Variants in C13orf46 observed in about 807,000 individuals in gnomAD.
The protein encoded by C13orf46 is uncharacterized protein C13orf46.
At chr13:113,948,844 T>C (rs1244635060), downstream of C13orf46, among the ~76,000 whole-genome samples, 1 of 152,216 alleles carries the variant, frequency 6.6e-6, no homozygotes, top group Non-Finnish European at 1.5e-5. Context: ...CTTTGTCCCC[T>C]GTTCCAGGGA....
At chr13:113,930,406 G>A in the C13orf46 span, among the ~76,000 whole-genome samples, 11 of 114,688 alleles carry the variant, frequency 9.6e-5, no homozygotes, top group South Asian at 4.5e-4. Context: ...CGAGGCGGGG[G>A]CGCAGGAGCA....
the C13orf46 span, among the ~76,000 whole-genome samples, chr13:113,938,774 C>A: frequency 6.6e-6 from 1 of 152,218 alleles, no homozygotes; most frequent in Non-Finnish European, 1.5e-5. Context: ...TAGCTTCTCT[C>A]AACACACAGC....
the C13orf46 span, among the ~76,000 whole-genome samples, chr13:113,945,605 G>GAAAGAAAAAGA: frequency 1.1e-5 from 1 of 93,708 alleles, no homozygotes; most frequent in Non-Finnish European, 2.2e-5. Context: ...AAGAAAGAAA[G>GAAAGAAAAAGA]AAGAAAGAAA....
At chr13:113,950,099 A>C (rs1475764368), downstream of C13orf46, among the ~76,000 whole-genome samples, 13 of 61,806 alleles carry the variant, frequency 2.1e-4, no homozygotes, top group African/African-American at 5.1e-4. Context: ...GAGTGGGGTC[A>C]TCACCCCCTG....
the C13orf46 span, among the ~76,000 whole-genome samples, chr13:113,940,102 G>A: frequency 2.0e-5 from 3 of 152,240 alleles, no homozygotes; most frequent in Admixed American, 6.5e-5. Context: ...CTGCCCATGC[G>A]GCCAAAGTCC....
rs1375718098 is a variant in C13orf46, at chr13:113,954,998, A to G, written c.*1775T>C. On this transcript the variant is annotated 3_prime_UTR_variant, in exon 7 of 7. Transcript: ENST00000636427. Reference sequence around the variant, plus strand: ...GCGGAGACGAGGAGGAGGATCTGGCAGAGAGGAGGAGTAGGATCTGGCGGA... The same window carrying G: ...GCGGAGACGAGGAGGAGGATCTGGCGGAGAGGAGGAGTAGGATCTGGCGGA... The G allele has an allele frequency of 0.26, 21,836 of 83,984 alleles. 2,417 individuals are homozygous for G. Among genetic ancestry groups the G allele is most frequent in the Non-Finnish European group, 0.37 (14,538 of 39,472 alleles). 5.2% of individuals were successfully genotyped at this position (83,984 alleles called of 1,614,324 possible).
intron 5 of C13orf46, among the ~76,000 whole-genome samples, chr13:113,965,799 G>C (rs1237425585): frequency 2.0e-5 from 3 of 150,708 alleles, no homozygotes; most frequent in Non-Finnish European, 4.4e-5. Flanking sequence ...TTATAATGGT[G>C]GTGATGATGG....
At chr13:113,957,165 CA>C in intron 6 of C13orf46, among the ~76,000 whole-genome samples, 1 of 151,034 alleles carries the variant, frequency 6.6e-6, no homozygotes, top group Non-Finnish European at 1.5e-5. Flanking sequence ...CCTCTGCATG[CA>C]ACCCCTTTCA....
At chr13:113,930,880 C>T in the C13orf46 span, among the ~76,000 whole-genome samples, 4 of 152,278 alleles carry the variant, frequency 2.6e-5, no homozygotes, top group East Asian at 1.9e-4. Context: ...TTCTCCAGGC[C>T]GAAGACAGGA....
chr13:113,954,779 A>C lies in C13orf46; in HGVS notation c.*1994T>G. 1 of 201,682 alleles carries C rather than the reference A, an allele frequency of 5.0e-6. No homozygotes were observed. Among genetic ancestry groups the C allele is most frequent in the Non-Finnish European group, 1.0e-5 (1 of 99,578 alleles). The allele number at this position is 201,682 out of a possible 1,614,324, so 12.5% of individuals were successfully genotyped here. On this transcript the variant is annotated 3_prime_UTR_variant, in exon 7 of 7. Coordinates refer to ENST00000636427, the MANE Select transcript of C13orf46 (RefSeq NM_001365455.2). ...GGGCAGGAAGGGGCTGGAGTCCTCC[A>C]GCTGGTGGAGACGAGGAGCAGCTGG... is the stretch of plus-strand genomic sequence containing the variant.
the C13orf46 span, among the ~76,000 whole-genome samples, chr13:113,931,690 A>G: frequency 6.6e-6 from 1 of 152,178 alleles, no homozygotes; most frequent in Non-Finnish European, 1.5e-5. Flanking sequence ...GAAAATTACG[A>G]GATAACATTT....
At chr13:113,953,416 T>TC (rs1467980721), downstream of C13orf46, among the ~76,000 whole-genome samples, 2 of 151,976 alleles carry the variant, frequency 1.3e-5, no homozygotes, top group Non-Finnish European at 2.9e-5. Context: ...AGTCAGCCCT[T>TC]CCCACCCCAG....
rs1200441632 is a variant in C13orf46 at position 113,955,777 on chromosome 13, G to A, written c.*996C>T. On this transcript the variant is annotated 3_prime_UTR_variant, in exon 7 of 7. Transcript: ENST00000636427. ...AGGAGGAGCATCCGGCGGAGACGAG[G>A]AGCAGCCGGCGGAGACGAGGAGCAG... 59,118 of 133,104 alleles carry A rather than the reference G, an allele frequency of 0.44. 12,362 individuals carry two copies. Among genetic ancestry groups the A allele is most frequent in the Non-Finnish European group, 0.56 (33,994 of 60,204 alleles). 8.2% of individuals were successfully genotyped at this position (133,104 alleles called of 1,614,324 possible).
Position 113,961,538 on chromosome 13 carries a change from T to C in C13orf46, c.572+3389A>G, listed in dbSNP as rs1257319752. ...TTTTAACTGTGGCTGTTCTAAGGTT[T>C]TGCATCTGTAGTCATTGTTCTGAAG... On this transcript the variant is annotated intron_variant, in intron 6 of 6. Coordinates refer to ENST00000636427, the MANE Select transcript of C13orf46 (RefSeq NM_001365455.2). Among the ~76,000 whole-genome samples the C allele has an allele frequency of 1.3e-5, 2 of 151,020 alleles. 1 individual carries two copies. The highest frequency in any genetic ancestry group is 4.8e-5 in the African/African-American group (2 of 41,270).
intron 6 of C13orf46, among the ~76,000 whole-genome samples, chr13:113,961,961 C>T (rs1037975240): frequency 4.0e-5 from 6 of 151,578 alleles, no homozygotes; most frequent in Non-Finnish European, 7.4e-5. Context: ...CAGAGCTCTG[C>T]GTGATCTGTG....
downstream of C13orf46, among the ~76,000 whole-genome samples, chr13:113,948,735 C>T (rs985605728): frequency 1.3e-5 from 2 of 152,206 alleles, no homozygotes; most frequent in Non-Finnish European, 2.9e-5. Context: ...TGTGCATGAG[C>T]TTATCACCTA....
At chr13:113,951,005 C>T (rs983558704), downstream of C13orf46, among the ~76,000 whole-genome samples, 7 of 152,286 alleles carry the variant, frequency 4.6e-5, no homozygotes, top group African/African-American at 7.2e-5. Flanking sequence ...TGTGGGGTCA[C>T]GTGGGAAGGA....
At chr13:113,939,023 T>C in the C13orf46 span, among the ~76,000 whole-genome samples, 874 of 151,708 alleles carry the variant, frequency 5.8e-3, 7 homozygotes, top group Middle Eastern at 0.068. Context: ...CCACGATCCC[T>C]TCCAAGCTGG....
the C13orf46 span, among the ~76,000 whole-genome samples, chr13:113,938,559 A>G: frequency 6.6e-6 from 1 of 152,194 alleles, no homozygotes; most frequent in African/African-American, 2.4e-5. Context: ...CCTAAACTCC[A>G]GGAGCACCCA....
Sources: allele counts gnomAD v4.1 joint callset (sites outside exome capture counted in the v4.1 genomes callset), GRCh38; gene constraint gnomAD v4.1.1; transcripts MANE v1.5; gene names NCBI Gene and HGNC (gene_info 2026-07-23, HGNC 2026-07-21).